Variants in NEBL observed in about 807,000 individuals in gnomAD.
NEBL encodes the protein nebulette, also known as LIM and SH3 protein 2.
NEBL carries 122 observed loss-of-function variants against 140.2 expected under a neutral mutation model. The observed-to-expected ratio is 0.87, with a 90% CI of 0.75 to 1.01. The LOEUF (loss-of-function observed/expected upper bound fraction) is 1.01, where lower values mean the gene tolerates loss of function less well. NEBL is among the 50% of genes least tolerant of loss of function. The pLI is 0.00. For missense variants in NEBL, 1,365 were observed against 1,231.3 expected, an observed-to-expected ratio of 1.11 and a Z score of -1.62; for synonymous variants, 436 against 398.9, an observed-to-expected ratio of 1.09 and a Z score of -1.11.
chr10:21,109,076 C>A (rs996115054), intron 2 of NEBL, among the ~76,000 whole-genome samples: 5 of 152,020 alleles, frequency 3.3e-5, no homozygotes, highest in Admixed American at 6.6e-5. Flanking sequence ...TGTCTTGTGC[C>A]GGTTTTCAAA....
At chr10:20,829,295 A>T (rs1840176806) in intron 16 of NEBL, among the ~76,000 whole-genome samples, 1 of 152,092 alleles carries the variant, frequency 6.6e-6, no homozygotes. Flanking sequence ...AGGGACATGG[A>T]TGAAATTGGA....
chr10:20,985,219 G>T (rs1837210189), intron 3 of NEBL, among the ~76,000 whole-genome samples: 1 of 152,076 alleles, frequency 6.6e-6, no homozygotes, highest in Admixed American at 6.5e-5. Context: ...TTGGTCCCTG[G>T]TGCCAAAAAG....
At chr10:21,208,043 G>C (rs112800141) in intron 3 of NEBL, among the ~76,000 whole-genome samples, 66 of 152,312 alleles carry the variant, frequency 4.3e-4, no homozygotes, top group Non-Finnish European at 8.4e-4. Context: ...CAGAGAAAGA[G>C]TTTAATGATC....
At chr10:20,956,202 C>T (rs1049978314) in intron 4 of NEBL, among the ~76,000 whole-genome samples, 10 of 152,202 alleles carry the variant, frequency 6.6e-5, no homozygotes, top group African/African-American at 2.2e-4. Context: ...ATTTTCCGTA[C>T]ATTTCTCACA....
Position 20,845,387 on chromosome 10 carries a change from T to C in NEBL, c.1117-19A>G, listed in dbSNP as rs1841817651. 2 of 1,419,862 alleles carry C rather than the reference T, an allele frequency of 1.4e-6. No homozygotes were observed. The highest frequency in any genetic ancestry group is 1.8e-4 in the Middle Eastern group (1 of 5,662). 88.0% of individuals were successfully genotyped at this position (1,419,862 alleles called of 1,614,324 possible). On this transcript the variant is annotated intron_variant, in intron 11 of 27. Coordinates refer to ENST00000377122, the MANE Select transcript of NEBL (RefSeq NM_006393.3). ...AAACTTTCTGTTAAATAAGACCACATAATTTTAAAGTTAGCAAATATCAGT... is the reference window on the plus strand; with the variant it reads ...AAACTTTCTGTTAAATAAGACCACACAATTTTAAAGTTAGCAAATATCAGT...
At chr10:21,268,611 C>A (rs1842826543) in intron 1 of NEBL, among the ~76,000 whole-genome samples, 1 of 150,176 alleles carries the variant, frequency 6.7e-6, no homozygotes, top group South Asian at 2.1e-4. Context: ...GCAACCTCTG[C>A]CTCCCAGGTT....
intron 2 of NEBL, among the ~76,000 whole-genome samples, chr10:21,133,310 A>G (rs996140765): frequency 2.0e-5 from 3 of 152,220 alleles, no homozygotes; most frequent in African/African-American, 7.2e-5. Context: ...TTACTAGTTA[A>G]ATCACGAAAG....
intron 2 of NEBL, among the ~76,000 whole-genome samples, chr10:21,139,842 A>G (rs1164292446): frequency 6.6e-6 from 1 of 152,092 alleles, no homozygotes; most frequent in African/African-American, 2.4e-5. Context: ...ATCTTCGTAC[A>G]TTAGGGATTA....
chr10:21,271,553 T>G (rs1162345314), intron 1 of NEBL, among the ~76,000 whole-genome samples: 1 of 149,844 alleles, frequency 6.7e-6, no homozygotes, highest in South Asian at 2.1e-4. Context: ...CTAGATGGAG[T>G]TCCACTTTGT....
intron 3 of NEBL, among the ~76,000 whole-genome samples, chr10:21,010,998 A>G (rs893989908): frequency 2.0e-5 from 3 of 152,212 alleles, no homozygotes; most frequent in African/African-American, 7.2e-5. Flanking sequence ...GTCAAATGAA[A>G]TGGCAGGCCT....
At chr10:21,049,242 C>A (rs1018566327) in intron 2 of NEBL, among the ~76,000 whole-genome samples, 3 of 152,138 alleles carry the variant, frequency 2.0e-5, no homozygotes, top group African/African-American at 4.8e-5. Context: ...CATGGCCTAG[C>A]CAAGCTGACA....
intron 7 of NEBL, 46 bp from the exon 8 acceptor site, chr10:20,859,872 A>C (rs781715402): frequency 1.1e-6 from 1 of 901,952 alleles, no homozygotes; most frequent in South Asian, 1.5e-5. Flanking sequence ...ATTTAAAAGT[A>C]ACACATATGA....
In NEBL at chr10:21,097,226, G is replaced by C. The variant is rs553036699; in HGVS notation, c.164+75157C>G. ...CCAGCACTTTGGGAGGTCCGGGGGGGGGGTGGGGCAGATCACAAGGTCAGG... is the reference window on the plus strand; with the variant it reads ...CCAGCACTTTGGGAGGTCCGGGGGGCGGGTGGGGCAGATCACAAGGTCAGG... On this transcript the variant is annotated intron_variant, in intron 2 of 6. Transcript: ENST00000417816. Among the ~76,000 whole-genome samples the C allele has an allele frequency of 9.4e-5, 14 of 148,898 alleles. No homozygotes were observed. The South Asian group carries it at 1.3e-3, about 14-fold the overall frequency.
At chr10:20,854,411 T>C (rs1842843757) in intron 9 of NEBL, among the ~76,000 whole-genome samples, 2 of 152,190 alleles carry the variant, frequency 1.3e-5, no homozygotes, top group Non-Finnish European at 1.5e-5. Context: ...CCCTTTCTAG[T>C]GGGACAAAGC....
chr10:21,090,813 C>T (rs1275556006), intron 2 of NEBL, among the ~76,000 whole-genome samples: 1 of 152,148 alleles, frequency 6.6e-6, no homozygotes, highest in Non-Finnish European at 1.5e-5. Flanking sequence ...CTGTTCACTT[C>T]CTGTTTGTGG....
At chr10:21,157,209 C>T (rs1840367443) in intron 2 of NEBL, among the ~76,000 whole-genome samples, 1 of 152,098 alleles carries the variant, frequency 6.6e-6, no homozygotes, top group South Asian at 2.1e-4. Flanking sequence ...TCCATTATTC[C>T]TTCACTTTTT....
chr10:21,081,718 A>G (rs1295806931), intron 2 of NEBL, among the ~76,000 whole-genome samples: 2 of 152,158 alleles, frequency 1.3e-5, no homozygotes, highest in African/African-American at 4.8e-5. Flanking sequence ...GAGGAAAAAT[A>G]TAAGATAAGT....
intron 18 of NEBL, among the ~76,000 whole-genome samples, chr10:20,824,270 T>C (rs921311984): frequency 6.6e-6 from 1 of 152,166 alleles, no homozygotes; most frequent in Non-Finnish European, 1.5e-5. Context: ...ACATGAAACA[T>C]GTTTCAGAAA....
rs951852720 is a variant in NEBL, at chr10:20,888,310, G to C, written c.259-103C>G. On this transcript the variant is annotated intron_variant, in intron 3 of 27. Transcript: ENST00000377122. The stretch of plus-strand genomic sequence containing the variant: ...AGAAACTTTCTCCCAAAACAGAATT[G>C]ATTTTAAAATCTGCAGACCATTTTA... 4.0e-6 allele frequency: 3 copies of C among 750,218 alleles called. No homozygotes were observed. The African/African-American group carries it at 5.4e-5, about 13-fold the overall frequency. The allele number at this position is 750,218 out of a possible 1,614,324, so 46.5% of individuals were successfully genotyped here. A position where few individuals can be genotyped will look rare whatever the true frequency, so the allele number is the denominator to read the frequency against.
Sources: gnomAD v4.1 joint callset for allele counts (sites outside exome capture counted in the v4.1 genomes callset) on GRCh38, gnomAD v4.1.1 for gene constraint, MANE v1.5 for transcripts, NCBI Gene and HGNC (gene_info 2026-07-23, HGNC 2026-07-21) for gene names.